Variants in INPP4B observed in about 807,000 individuals in gnomAD.
INPP4B encodes the protein inositol polyphosphate 4-phosphatase type II.
Under a neutral mutation model 122.5 loss-of-function variants are expected in INPP4B, and 55 were observed. The ratio of observed to expected loss-of-function variants is 0.45; its 90% confidence interval spans 0.36 to 0.56. INPP4B has a LOEUF of 0.56. Ranked by LOEUF, INPP4B falls within the 20% of genes least tolerant of loss-of-function variation. The pLI is 0.00. For synonymous variants in INPP4B, 403 were observed against 388.7 expected, an observed-to-expected ratio of 1.04 and a Z score of -0.43; for missense variants, 1,000 against 1,097.7, an observed-to-expected ratio of 0.91 and a Z score of 1.26.
rs78008505 is a variant in INPP4B, at chr4:142,082,231, C to T, written c.2488-46G>A. 1,252 of 1,440,078 alleles carry T rather than the reference C, an allele frequency of 8.7e-4. 10 individuals are homozygous for T. In the African/African-American group the frequency reaches 0.016, roughly 18 times the overall value. The allele number at this position is 1,440,078 out of a possible 1,614,324, so 89.2% of individuals were successfully genotyped here. On this transcript the variant is annotated intron_variant, in intron 24 of 25. Transcript: ENST00000262992. ...AACGTTTCTTGTTCATTTGTAATACCGTAAAGTGTCGGCCTCCTCCAAACA... is the reference window on the plus strand; with the variant it reads ...AACGTTTCTTGTTCATTTGTAATACTGTAAAGTGTCGGCCTCCTCCAAACA...
intron 9 of INPP4B, among the ~76,000 whole-genome samples, chr4:142,299,435 G>A (rs1760376615): frequency 6.6e-6 from 1 of 151,722 alleles, no homozygotes; most frequent in South Asian, 2.1e-4. Context: ...AGTTACAGGT[G>A]TGAGCCATCG....
intron 9 of INPP4B, among the ~76,000 whole-genome samples, chr4:142,282,891 T>C (rs1220812210): frequency 6.6e-6 from 1 of 152,090 alleles, no homozygotes; most frequent in Admixed American, 6.6e-5. Flanking sequence ...CTTAGCATTC[T>C]GATTACCACA....
At chr4:142,061,361 C>T (rs1760541418) in intron 25 of INPP4B, among the ~76,000 whole-genome samples, 1 of 152,030 alleles carries the variant, frequency 6.6e-6, no homozygotes, top group South Asian at 2.1e-4. Flanking sequence ...ATGCTGCAGT[C>T]TTAAAATACC....
rs1365605869 is a variant in INPP4B at position 142,305,471 on chromosome 4, C to G, written c.490G>C (p.Val164Leu). 1.9e-6 allele frequency: 3 copies of G among 1,612,090 alleles called. No individual in the cohort carries two copies. Among genetic ancestry groups the G allele is most frequent in the Non-Finnish European group, 2.5e-6 (3 of 1,178,654 alleles). Residue 164 changes from valine to leucine, a missense_variant, in exon 9 of 26, where the codon GTC (valine) becomes CTC (leucine). Coordinates refer to ENST00000262992, the MANE Select transcript of INPP4B (RefSeq NM_001101669.3). Reference protein sequence around the residue: ...ELLKSKEQLLVLSLRTSDGGK... With the variant: ...ELLKSKEQLLLLSLRTSDGGK... ...AAAGAGACCCACCTCAGGCTCAGGA[C>G]CAGCAATTGCTCCTTTGACTTCAGC...
intron 2 of INPP4B, among the ~76,000 whole-genome samples, chr4:142,620,248 C>T (rs759168763): frequency 2.6e-5 from 4 of 151,966 alleles, no homozygotes; most frequent in Non-Finnish European, 5.9e-5. Context: ...TACATGGAAT[C>T]AACCTAAATG....
At chr4:142,268,334 A>C (rs1743949424) in intron 10 of INPP4B, among the ~76,000 whole-genome samples, 1 of 140,368 alleles carries the variant, frequency 7.1e-6, no homozygotes, top group Non-Finnish European at 1.6e-5. Flanking sequence ...AAAAAAAAAA[A>C]AAAAAAAAAA....
chr4:142,714,102 T>C (rs1763454244), intron 2 of INPP4B, among the ~76,000 whole-genome samples: 1 of 152,208 alleles, frequency 6.6e-6, no homozygotes, highest in South Asian at 2.1e-4. Flanking sequence ...ATGTGCATCA[T>C]ACAATTACAT....
At chr4:142,567,218 CT>C (rs1731805406) in intron 2 of INPP4B, among the ~76,000 whole-genome samples, 1 of 152,184 alleles carries the variant, frequency 6.6e-6, no homozygotes, top group East Asian at 1.9e-4. Flanking sequence ...AATAACTATA[CT>C]GTAGAAGTAC....
intron 5 of INPP4B, among the ~76,000 whole-genome samples, chr4:142,406,585 G>C (rs143618831): frequency 3.3e-5 from 5 of 152,284 alleles, no homozygotes; most frequent in African/African-American, 1.2e-4. Flanking sequence ...CAAATAGCTA[G>C]GCAACACTGG....
At chr4:142,352,986 T>C (rs1579822632) in intron 7 of INPP4B, among the ~76,000 whole-genome samples, 1 of 152,092 alleles carries the variant, frequency 6.6e-6, no homozygotes, top group East Asian at 1.9e-4. Flanking sequence ...ACTAAACTCC[T>C]GTCACTTGAC....
At chr4:142,544,307 T>C (rs1829301145) in intron 2 of INPP4B, among the ~76,000 whole-genome samples, 1 of 152,000 alleles carries the variant, frequency 6.6e-6, no homozygotes, top group South Asian at 2.1e-4. Context: ...TTCATGAGTG[T>C]TTGATTGTGG....
chr4:142,834,373 T>TA (rs1782531481), intron 1 of INPP4B, among the ~76,000 whole-genome samples: 1 of 152,252 alleles, frequency 6.6e-6, no homozygotes. Context: ...ACAGACTTTT[T>TA]AAAAACTGCT....
chr4:142,246,763 C>G (rs1438889554), intron 11 of INPP4B, among the ~76,000 whole-genome samples: 1 of 152,200 alleles, frequency 6.6e-6, no homozygotes, highest in Non-Finnish European at 1.5e-5. Flanking sequence ...TCGACTTCCT[C>G]TCTTCCTATC....
At chr4:142,459,276 AAAAC>A (rs1470545978) in intron 3 of INPP4B, among the ~76,000 whole-genome samples, 55 of 146,156 alleles carry the variant, frequency 3.8e-4, no homozygotes, top group African/African-American at 1.4e-3. Flanking sequence ...ACAGTGCCTG[AAAAC>A]AAACAAATGA....
chr4:142,138,764 A>C (rs887104712), intron 18 of INPP4B, among the ~76,000 whole-genome samples: 1 of 152,168 alleles, frequency 6.6e-6, no homozygotes, highest in Non-Finnish European at 1.5e-5. Flanking sequence ...AAAGTTCATC[A>C]AAGTACTTGT....
At chr4:142,711,879 C>A (rs996936461) in intron 2 of INPP4B, among the ~76,000 whole-genome samples, 10 of 152,096 alleles carry the variant, frequency 6.6e-5, no homozygotes, top group Non-Finnish European at 7.3e-5. Context: ...AAAACCCTGT[C>A]TCTACTAAAA....
chr4:142,623,854 T>C (rs970364440), intron 2 of INPP4B, among the ~76,000 whole-genome samples: 1 of 152,016 alleles, frequency 6.6e-6, no homozygotes, highest in African/African-American at 2.4e-5. Context: ...TTACTGAGAA[T>C]GATGATTTCC....
At chr4:142,614,797 A>G (rs749888407) in intron 2 of INPP4B, among the ~76,000 whole-genome samples, 36 of 152,146 alleles carry the variant, frequency 2.4e-4, no homozygotes, top group Non-Finnish European at 4.9e-4. Context: ...AAAATGCTCA[A>G]TATGAGTAAT....
chr4:142,844,478 T>C (rs777752242), intron 1 of INPP4B, among the ~76,000 whole-genome samples: 3 of 152,244 alleles, frequency 2.0e-5, no homozygotes, highest in Non-Finnish European at 4.4e-5. Context: ...CATTTTGCAA[T>C]AGCATTTTAC....
Sources: gnomAD v4.1 joint callset for allele counts (sites outside exome capture counted in the v4.1 genomes callset) on GRCh38, gnomAD v4.1.1 for gene constraint, MANE v1.5 for transcripts, NCBI Gene and HGNC (gene_info 2026-07-23, HGNC 2026-07-21) for gene names.